KLC1: variants seen among roughly 807,000 people sequenced by gnomAD.
The protein encoded by KLC1 is kinesin 2 60/70kDa.
Under a neutral mutation model 84.2 loss-of-function variants are expected in KLC1, and 30 were observed. The observed-to-expected ratio is 0.36, with a 90% CI of 0.27 to 0.48. The LOEUF is 0.48. KLC1 is among the 20% of genes least tolerant of loss of function. The pLI is 0.99. For missense variants in KLC1, 499 were observed against 805.4 expected, an observed-to-expected ratio of 0.62 and a Z score of 4.60; for synonymous variants, 289 against 293.3, an observed-to-expected ratio of 0.99 and a Z score of 0.15.
Position 103,696,092 on chromosome 14 carries a change from G to GCCCCCCCCCCCCCCCCC in KLC1, c.1848+3672_1848+3673insCCCCCCCCCCCCCCCCC, listed in dbSNP as rs746987341. 3 of 758,920 alleles carry GCCCCCCCCCCCCCCCCC rather than the reference G, an allele frequency of 4.0e-6. No individual in the cohort carries two copies. In the African/African-American group the frequency reaches 8.5e-5, roughly 22 times the overall value. The allele number at this position is 758,920 out of a possible 1,614,324, so 47.0% of individuals were successfully genotyped here. A position where few individuals can be genotyped will look rare whatever the true frequency, so the allele number is the denominator to read the frequency against. Reference sequence around the variant, plus strand: ...GAGTTGCTGTCAAAATAATCACTGCGCCCCCGCCCCCCGCCCCCCCCCACA... The same window carrying GCCCCCCCCCCCCCCCCC: ...GAGTTGCTGTCAAAATAATCACTGCGCCCCCCCCCCCCCCCCCCCCCCGCCCCCCGCCCCCCCCCACA... On this transcript the variant is annotated intron_variant, in intron 15 of 16. Coordinates refer to ENST00000334553, the MANE Select transcript of KLC1 (RefSeq NM_001394837.1).
intron 1 of KLC1, among the ~76,000 whole-genome samples, chr14:103,634,410 T>C (rs75372936): frequency 0.017 from 2,615 of 152,308 alleles, 68 homozygotes; most frequent in African/African-American, 0.056. Flanking sequence ...GATGAGATTA[T>C]GAGTTTGTTT....
intron 13 of KLC1, chr14:103,683,547 G>C (rs922299591): frequency 2.6e-5 from 4 of 152,218 alleles, no homozygotes; most frequent in African/African-American, 9.7e-5. Flanking sequence ...ACCAGCACCA[G>C]GTCCCTGTTG....
At chr14:103,683,462 C>T (rs568070541) in intron 13 of KLC1, 1 of 152,310 alleles carries the variant, frequency 6.6e-6, no homozygotes, top group African/African-American at 2.4e-5. Flanking sequence ...AAATCCTTTT[C>T]TGGGTAAAAC....
At chr14:103,691,132 C>G (rs1397697944) in intron 14 of KLC1, among the ~76,000 whole-genome samples, 1 of 149,952 alleles carries the variant, frequency 6.7e-6, no homozygotes, top group Non-Finnish European at 1.5e-5. Context: ...CAGAGCCTCT[C>G]TGCTCCCAGA....
intron 1 of KLC1, among the ~76,000 whole-genome samples, chr14:103,646,079 C>T (rs2077899700): frequency 6.6e-6 from 1 of 152,064 alleles, no homozygotes; most frequent in South Asian, 2.1e-4. Flanking sequence ...TCTTATGGGA[C>T]CACTGTCAAA....
At chr14:103,686,152 T>A in intron 13 of KLC1, 1 of 989,964 alleles carries the variant, frequency 1.0e-6, no homozygotes, top group Non-Finnish European at 1.2e-6. Context: ...TCTGCTTTTC[T>A]CTACTAATCT....
At chr14:103,653,975 A>G (rs1027532490) in intron 1 of KLC1, among the ~76,000 whole-genome samples, 2 of 152,050 alleles carry the variant, frequency 1.3e-5, no homozygotes, top group Non-Finnish European at 2.9e-5. Context: ...ATTGCATCAC[A>G]TCACCCTGGG....
At chr14:103,642,322 C>T (rs550327289) in intron 1 of KLC1, among the ~76,000 whole-genome samples, 1 of 152,282 alleles carries the variant, frequency 6.6e-6, no homozygotes, top group South Asian at 2.1e-4. Context: ...AAAAGCATTA[C>T]TCTAGGCATT....
chr14:103,639,469 G>T (rs577069665), intron 1 of KLC1, among the ~76,000 whole-genome samples: 1 of 152,016 alleles, frequency 6.6e-6, no homozygotes, highest in Non-Finnish European at 1.5e-5. Context: ...TTGTGACAGG[G>T]TTTCGCTGTG....
intron 4 of KLC1, 84 bp from the exon 5 acceptor site, chr14:103,662,618 G>C (rs2079390659): frequency 8.7e-7 from 1 of 1,147,048 alleles, no homozygotes; most frequent in Non-Finnish European, 1.2e-6. Context: ...TTGAACCAAA[G>C]TTAGTAAAGA....
intron 12 of KLC1, among the ~76,000 whole-genome samples, chr14:103,678,290 A>G (rs949984124): frequency 2.0e-5 from 3 of 152,040 alleles, no homozygotes; most frequent in South Asian, 4.1e-4. Context: ...AAAATAAAAT[A>G]GCATGAATAT....
intron 9 of KLC1, among the ~76,000 whole-genome samples, chr14:103,674,792 G>T (rs1346072656): frequency 6.6e-6 from 1 of 152,072 alleles, no homozygotes; most frequent in Non-Finnish European, 1.5e-5. Context: ...TTTTTGTTTA[G>T]TGCTCACATT....
At chr14:103,663,672 C>CGA (rs1461696180) in intron 5 of KLC1, among the ~76,000 whole-genome samples, 25 of 152,298 alleles carry the variant, frequency 1.6e-4, no homozygotes, top group African/African-American at 6.0e-4. Flanking sequence ...CGAACCCTTT[C>CGA]ACCCCTGTTG....
intron 1 of KLC1, among the ~76,000 whole-genome samples, chr14:103,651,347 C>T (rs996792182): frequency 3.3e-5 from 5 of 152,154 alleles, no homozygotes; most frequent in African/African-American, 1.2e-4. Flanking sequence ...TTAGTTTGAC[C>T]TACGTGCATA....
rs769717669 is a variant in KLC1 at position 103,673,163 on chromosome 14, C to T, written c.1137C>T (p.Asn379=). The T allele has an allele frequency of 1.2e-5, 19 of 1,613,376 alleles. No individual in the cohort carries two copies. The highest frequency in any genetic ancestry group is 3.3e-5 in the South Asian group (3 of 91,000). The change falls in exon 8 of 17, where the codon AAC becomes AAT. Residue 379 remains asparagine (N), a synonymous_variant. Coordinates refer to ENST00000334553, the MANE Select transcript of KLC1 (RefSeq NM_001394837.1). ...CAAAACTGGGACCTGATGACCCCAA[C>T]GTGGCTAAGACGAAAAATAACCTGG... ...YQTKLGPDDP[N]VAKTKNNLAS...
At position 103,694,141 on chromosome 14, in the gene KLC1, C is replaced by T. The variant is rs2082280937; in HGVS notation, c.1848+1716C>T. Reference sequence around the variant, plus strand: ...TTCCCAGCTGGAGCATCTTCCGGGTCTCTCTTTCCAAGGTCCCCATGCCTG... The same window carrying T: ...TTCCCAGCTGGAGCATCTTCCGGGTTTCTCTTTCCAAGGTCCCCATGCCTG... On this transcript the variant is annotated intron_variant, in intron 15 of 16. Transcript: ENST00000334553. The surrounding 1 kb of genome is among the most constrained non-coding windows in gnomAD (Gnocchi z 4.5). 1.0e-6 allele frequency: 1 copy of T among 985,268 alleles called. No homozygotes were observed. Among genetic ancestry groups the T allele is most frequent in the Admixed American group, 6.1e-5 (1 of 16,322 alleles). 61.0% of individuals were successfully genotyped at this position (985,268 alleles called of 1,614,324 possible).
At position 103,689,919 on chromosome 14, in the gene KLC1, C is replaced by T. The variant is rs1397444092; in HGVS notation, c.1782-2440C>T. 2.6e-5 allele frequency among the ~76,000 whole-genome samples: 4 copies of T among 152,170 alleles called. 1 individual carries two copies. The highest frequency in any genetic ancestry group is 5.9e-5 in the Non-Finnish European group (4 of 68,030). ...ATGGCGGCCGGTGCAGTGGCTGATGCCTGTAATCCCAGCACTTTGGGAGGC... is the reference window on the plus strand; with the variant it reads ...ATGGCGGCCGGTGCAGTGGCTGATGTCTGTAATCCCAGCACTTTGGGAGGC... On this transcript the variant is annotated intron_variant, in intron 14 of 16. Coordinates refer to ENST00000334553, the MANE Select transcript of KLC1 (RefSeq NM_001394837.1).
At chr14:103,649,847 C>G (rs1221686531) in intron 1 of KLC1, among the ~76,000 whole-genome samples, 2 of 151,988 alleles carry the variant, frequency 1.3e-5, no homozygotes, top group Non-Finnish European at 2.9e-5. Context: ...AGGCGCCCAC[C>G]ATCGCGCCCG....
rs191231127 is a variant in KLC1 at position 103,694,212 on chromosome 14, C to T, written c.1848+1787C>T. 5.8e-5 allele frequency: 57 copies of T among 984,924 alleles called. 1 individual carries two copies. In the East Asian group the frequency reaches 4.2e-3, roughly 73 times the overall value. The allele number at this position is 984,924 out of a possible 1,614,324, so 61.0% of individuals were successfully genotyped here. On this transcript the variant is annotated intron_variant, in intron 15 of 16. Transcript: ENST00000334553. The surrounding 1 kb of genome is among the most constrained non-coding windows in gnomAD (Gnocchi z 4.5). The stretch of plus-strand genomic sequence containing the variant: ...CCCTTTTGAGCTGTGTTCTCCCGGA[C>T]GCCCCTGCACACGAAGCCCATAGAG...
Sources: gnomAD v4.1 joint callset for allele counts (sites outside exome capture counted in the v4.1 genomes callset) on GRCh38, gnomAD v4.1.1 for gene constraint, Gnocchi (gnomAD v3.1) non-coding constraint, MANE v1.5 for transcripts, NCBI Gene and HGNC (gene_info 2026-07-23, HGNC 2026-07-21) for gene names.